The following RUNDC3B variants were observed in gnomAD, a reference collection of about 807,000 sequenced individuals.
RUNDC3B encodes the protein RUN domain containing 3B, also known as RUN domain-containing protein 3B.
In RUNDC3B, 33 loss-of-function variants were observed where a neutral mutation model predicts 58.4. The observed-to-expected ratio is 0.56, with a 90% CI of 0.43 to 0.75. RUNDC3B has a LOEUF of 0.75. Among genes scored for constraint, RUNDC3B ranks in the 30% least tolerant of loss-of-function variants. RUNDC3B has a pLI of 0.00. For synonymous variants in RUNDC3B, 193 were observed against 195.2 expected (o/e 0.99, Z 0.10); for missense variants, 501 against 535.7 (o/e 0.94, Z 0.64).
intron 6 of RUNDC3B, among the ~76,000 whole-genome samples, chr7:87,765,972 T>C (rs1218491812): frequency 6.6e-6 from 1 of 152,138 alleles, no homozygotes; most frequent in Non-Finnish European, 1.5e-5. Flanking sequence ...ATCTGGGTGC[T>C]CCAGTGTTGG....
Position 87,687,437 on chromosome 7 carries a change from C to T in RUNDC3B, c.239-12984C>T, listed in dbSNP as rs919034735. On this transcript the variant is annotated intron_variant, in intron 2 of 10. Transcript: ENST00000394654. ...AACCTCAAGCACTCCTGACCTCTTT[C>T]CCCTGAGTTACATTAAGTCTTAACT... 2.0e-5 allele frequency among the ~76,000 whole-genome samples: 3 copies of T among 152,148 alleles called. 1 individual carries two copies.
rs966693065 is a variant in RUNDC3B, at chr7:87,764,699, C to T, written c.630-5882C>T. ...AGGATAATTGGCTTCCAGGTCCATT[C>T]ATGTTGCTGAAACAGGACACAATTA... On this transcript the variant is annotated intron_variant, in intron 6 of 10. Coordinates refer to ENST00000394654, the MANE Select transcript of RUNDC3B (RefSeq NM_001134405.2). Among the ~76,000 whole-genome samples, 8 of 152,008 alleles carry T rather than the reference C, an allele frequency of 5.3e-5. No individual in the cohort carries two copies. In the South Asian group the frequency reaches 8.3e-4, roughly 16 times the overall value.
intron 1 of RUNDC3B, among the ~76,000 whole-genome samples, chr7:87,635,044 T>C (rs1317659784): frequency 1.3e-5 from 2 of 152,168 alleles, no homozygotes; most frequent in African/African-American, 2.4e-5. Context: ...AGTCCTTTAC[T>C]AGGGGGTATT....
At chr7:87,706,089 G>T in intron 3 of RUNDC3B, among the ~76,000 whole-genome samples, 1 of 152,116 alleles carries the variant, frequency 6.6e-6, no homozygotes, top group East Asian at 1.9e-4. Context: ...TGCTTATCCT[G>T]TACATTCCTT....
At chr7:87,689,983 T>C (rs1400726646) in intron 2 of RUNDC3B, among the ~76,000 whole-genome samples, 2 of 151,732 alleles carry the variant, frequency 1.3e-5, no homozygotes, top group Non-Finnish European at 2.9e-5. Context: ...CTGTCATAGA[T>C]TTTTTTTTAA....
chr7:87,657,914 T>G (rs999458633), intron 2 of RUNDC3B, among the ~76,000 whole-genome samples: 2 of 152,110 alleles, frequency 1.3e-5, no homozygotes, highest in African/African-American at 4.8e-5. Flanking sequence ...CCTTCCCCTG[T>G]GGGAGCAGTG....
At chr7:87,643,646 G>C (rs1822673519) in intron 1 of RUNDC3B, among the ~76,000 whole-genome samples, 4 of 151,722 alleles carry the variant, frequency 2.6e-5, no homozygotes, top group African/African-American at 9.7e-5. Flanking sequence ...TCAGCCTCCT[G>C]AGTAGCTGGG....
At chr7:87,762,152 T>C (rs1314722290) in intron 6 of RUNDC3B, among the ~76,000 whole-genome samples, 1 of 151,650 alleles carries the variant, frequency 6.6e-6, no homozygotes, top group Non-Finnish European at 1.5e-5. Flanking sequence ...ATAATTGGTT[T>C]CTTGTTTGTT....
intron 4 of RUNDC3B, among the ~76,000 whole-genome samples, chr7:87,713,002 T>C (rs1453851124): frequency 6.6e-6 from 1 of 152,082 alleles, no homozygotes; most frequent in East Asian, 1.9e-4. Context: ...AAAATCTTAT[T>C]TTTCTCCCCC....
At chr7:87,691,288 C>G (rs1276494291) in intron 2 of RUNDC3B, among the ~76,000 whole-genome samples, 1 of 152,126 alleles carries the variant, frequency 6.6e-6, no homozygotes, top group Admixed American at 6.5e-5. Flanking sequence ...TGTCTGTCTT[C>G]AGTATTCAGT....
At chr7:87,676,230 A>C (rs1826342091) in intron 2 of RUNDC3B, among the ~76,000 whole-genome samples, 3 of 152,098 alleles carry the variant, frequency 2.0e-5, no homozygotes, top group Admixed American at 2.0e-4. Flanking sequence ...CTGTCTAAAC[A>C]AACAAACAAA....
chr7:87,730,209 T>C (rs1273201340), intron 4 of RUNDC3B, among the ~76,000 whole-genome samples: 1 of 152,154 alleles, frequency 6.6e-6, no homozygotes, highest in African/African-American at 2.4e-5. Context: ...AGAGAATGAA[T>C]GCAGGGGACT....
At chr7:87,788,447 A>G (rs1835339096) in intron 8 of RUNDC3B, among the ~76,000 whole-genome samples, 2 of 152,202 alleles carry the variant, frequency 1.3e-5, no homozygotes, top group Admixed American at 1.3e-4. Flanking sequence ...TTCTACTATT[A>G]TGATTAGTAA....
At chr7:87,743,707 G>A (rs1341342405) in intron 6 of RUNDC3B, among the ~76,000 whole-genome samples, 6 of 151,958 alleles carry the variant, frequency 3.9e-5, no homozygotes, top group Non-Finnish European at 5.9e-5. Flanking sequence ...TGTAGATTCT[G>A]GATATTAGTC....
intron 2 of RUNDC3B, among the ~76,000 whole-genome samples, chr7:87,661,491 G>A (rs1038322654): frequency 6.7e-6 from 1 of 150,304 alleles, no homozygotes; most frequent in African/African-American, 2.5e-5. Context: ...TTAATTTTTA[G>A]TTCCCACAAA....
chr7:87,782,716 G>A (rs1835001877), intron 8 of RUNDC3B, among the ~76,000 whole-genome samples: 2 of 151,920 alleles, frequency 1.3e-5, no homozygotes, highest in South Asian at 4.2e-4. Flanking sequence ...TAACTTCATT[G>A]TTTACTTAAA....
chr7:87,810,686 T>G (rs556675140), intron 9 of RUNDC3B, among the ~76,000 whole-genome samples: 2 of 152,324 alleles, frequency 1.3e-5, no homozygotes, highest in South Asian at 4.1e-4. Flanking sequence ...TTCTCTTTAC[T>G]ATGCTGTTTA....
At chr7:87,766,722 G>C (rs1467140036) in intron 6 of RUNDC3B, among the ~76,000 whole-genome samples, 1 of 151,870 alleles carries the variant, frequency 6.6e-6, no homozygotes, top group East Asian at 1.9e-4. Context: ...ATATGCCTTG[G>C]TGGTGTTGAT....
In RUNDC3B at chr7:87,750,147, C is replaced by A. The variant is rs1370562728; in HGVS notation, c.629+8568C>A. Among the ~76,000 whole-genome samples the A allele has an allele frequency of 2.0e-5, 3 of 151,710 alleles. No individual in the cohort carries two copies. The South Asian group carries it at 6.2e-4, about 32-fold the overall frequency. On this transcript the variant is annotated intron_variant, in intron 6 of 10. Coordinates refer to ENST00000394654, the MANE Select transcript of RUNDC3B (RefSeq NM_001134405.2). Reference sequence around the variant, plus strand: ...TGTGGTGTTTGGTTTTTTGTTCTTGCGATAGTTTACTGAGAATGATGATTT... The same window carrying A: ...TGTGGTGTTTGGTTTTTTGTTCTTGAGATAGTTTACTGAGAATGATGATTT...
Sources: gnomAD v4.1 joint callset for allele counts (sites outside exome capture counted in the v4.1 genomes callset) on GRCh38, gnomAD v4.1.1 for gene constraint, MANE v1.5 for transcripts, NCBI Gene and HGNC (gene_info 2026-07-23, HGNC 2026-07-21) for gene names.